GBF1: variants seen among roughly 807,000 people sequenced by gnomAD.
GBF1 encodes the protein golgi brefeldin A resistant guanine nucleotide exchange factor 1.
Under a neutral mutation model 210.5 loss-of-function variants are expected in GBF1, and 114 were observed. That is an observed-to-expected ratio of 0.54 (90% CI 0.47 to 0.63). The LOEUF (loss-of-function observed/expected upper bound fraction) is 0.63, where lower values mean the gene tolerates loss of function less well. Among genes scored for constraint, GBF1 ranks in the 30% least tolerant of loss-of-function variants. GBF1 has a pLI of 0.00. For synonymous variants in GBF1, 850 were observed against 889.2 expected, an observed-to-expected ratio of 0.96 and a Z score of 0.78; for missense variants, 1,851 against 2,357.7, an observed-to-expected ratio of 0.79 and a Z score of 4.45.
At position 102,363,866 on chromosome 10, in the gene GBF1, CT is replaced by C; in HGVS notation, c.2106+69del. The C allele has an allele frequency of 2.1e-6, 2 of 948,206 alleles. No individual in the cohort carries two copies. Among genetic ancestry groups the C allele is most frequent in the East Asian group, 4.8e-5 (2 of 41,672 alleles). The allele number at this position is 948,206 out of a possible 1,614,324, so 58.7% of individuals were successfully genotyped here. ...GTGTCCAGTGTTGTAGGGTTTCCAT[CT>C]CAGAAGATGAAGGAGAGTCTAGCAC... On this transcript the variant is annotated intron_variant, in intron 17 of 39. Transcript: ENST00000369983. This position sits in a 1 kb window ranked among gnomAD's most constrained non-coding sequence, Gnocchi z 4.2.
In GBF1 at chr10:102,365,618, A is replaced by T; in HGVS notation, c.2309+19A>T. 3 of 1,604,158 alleles carry T rather than the reference A, an allele frequency of 1.9e-6. No individual in the cohort carries two copies. The highest frequency in any genetic ancestry group is 2.6e-6 in the Non-Finnish European group (3 of 1,170,998). On this transcript the variant is annotated intron_variant, in intron 18 of 39. Transcript: ENST00000369983. ...TTGTGAGGTGAGGAAGCTGTAAGAAATGTGGGATATAGCCAGGTATGGTGG... is the reference window on the plus strand; with the variant it reads ...TTGTGAGGTGAGGAAGCTGTAAGAATTGTGGGATATAGCCAGGTATGGTGG...
At position 102,380,291 on chromosome 10, in the gene GBF1, T is replaced by C. The variant is rs2060765597; in HGVS notation, c.4921T>C (p.Phe1641Leu). The change falls in exon 37 of 40, where the codon TTT becomes CTT. Residue 1641 changes from phenylalanine to leucine, a missense_variant. This residue lies in a region of GBF1 where 967 missense variants were observed against 1,247.7 expected (regional missense o/e 0.78). Transcript: ENST00000369983. ...HLSPLLSLST[F>L]AALWLTILDF... ...GTCTCCACTGCTGTCACTCTCTACCTTTGCGGCCCTCTGGCTCACCATCTT... is the reference window on the plus strand; with the variant it reads ...GTCTCCACTGCTGTCACTCTCTACCCTTGCGGCCCTCTGGCTCACCATCTT... The C allele has an allele frequency of 6.2e-7, 1 of 1,614,054 alleles. No homozygotes were observed. The highest frequency in any genetic ancestry group is 1.7e-5 in the Admixed American group (1 of 60,020).
chr10:102,338,622 T>C (rs906626251), intron 3 of GBF1, among the ~76,000 whole-genome samples: 1 of 151,988 alleles, frequency 6.6e-6, no homozygotes, highest in Non-Finnish European at 1.5e-5. Flanking sequence ...GACTAGTCCA[T>C]TGACTGAATT....
chr10:102,317,141 A>G (rs983633756), intron 3 of GBF1, among the ~76,000 whole-genome samples: 15 of 152,052 alleles, frequency 9.9e-5, no homozygotes, highest in Admixed American at 2.6e-4. Context: ...AACATTTAGT[A>G]GTAATATAAG....
intron 3 of GBF1, among the ~76,000 whole-genome samples, chr10:102,312,219 G>A (rs1160298497): frequency 1.3e-5 from 2 of 151,954 alleles, no homozygotes; most frequent in Admixed American, 6.6e-5. Flanking sequence ...CTTGAACCTC[G>A]GGGGTGGAGG....
At position 102,363,809 on chromosome 10, in the gene GBF1, G is replaced by T. The variant is rs1325667280; in HGVS notation, c.2106+11G>T. ...AAAAACAAAAAGAAGGTACATACAT[G>T]TATTCCCCAGCCTCTGTCCACCTCT... is the stretch of plus-strand genomic sequence containing the variant. On this transcript the variant is annotated intron_variant, in intron 17 of 39. Transcript: ENST00000369983. This position sits in a 1 kb window ranked among gnomAD's most constrained non-coding sequence, Gnocchi z 4.2. The T allele has an allele frequency of 6.8e-7, 1 of 1,478,646 alleles. No homozygotes were observed. The allele number at this position is 1,478,646 out of a possible 1,614,324, so 91.6% of individuals were successfully genotyped here. A position where few individuals can be genotyped will look rare whatever the true frequency, so the allele number is the denominator to read the frequency against.
At chr10:102,323,575 CTTT>C (rs552692343) in intron 3 of GBF1, among the ~76,000 whole-genome samples, 1 of 139,362 alleles carries the variant, frequency 7.2e-6, no homozygotes, top group Admixed American at 7.2e-5. Context: ...TTTTTTCTGT[CTTT>C]TTTTTTTTTT....
chr10:102,305,910 A>T (rs1383988896), intron 3 of GBF1, among the ~76,000 whole-genome samples: 1 of 152,188 alleles, frequency 6.6e-6, no homozygotes, highest in Non-Finnish European at 1.5e-5. Context: ...GGGTAAAAGG[A>T]GAGCATCCCT....
chr10:102,366,995 C>G lies in GBF1; in HGVS notation c.2434-90C>G, dbSNP rs2059951885. On this transcript the variant is annotated intron_variant, in intron 19 of 39. Coordinates refer to ENST00000369983, the MANE Select transcript of GBF1 (RefSeq NM_001377137.1). The surrounding 1 kb of genome is among the most constrained non-coding windows in gnomAD (Gnocchi z 4.0). ...GGCCACTTTCTGGATGGTACCTCTC[C>G]TCTGTACTAGCACTGACCAGTGGGT... The G allele has an allele frequency of 7.1e-7, 1 of 1,417,110 alleles. No individual in the cohort carries two copies. The highest frequency in any genetic ancestry group is 9.8e-7 in the Non-Finnish European group (1 of 1,022,940). The allele number at this position is 1,417,110 out of a possible 1,614,324, so 87.8% of individuals were successfully genotyped here.
At chr10:102,351,761 A>G in intron 5 of GBF1, 82 bp from the exon 6 acceptor site, 1 of 813,758 alleles carries the variant, frequency 1.2e-6, no homozygotes, top group Non-Finnish European at 2.2e-6. Flanking sequence ...TGAGGTCAGC[A>G]TTCTTGCTAA....
chr10:102,378,355 G>C (rs2060634717), intron 33 of GBF1, among the ~76,000 whole-genome samples: 1 of 152,168 alleles, frequency 6.6e-6, no homozygotes, highest in South Asian at 2.1e-4. Context: ...AGGTACAGTG[G>C]CTCACACCTG....
intron 26 of GBF1, 62 bp from the exon 27 acceptor site, chr10:102,370,112 T>C: frequency 1.3e-6 from 2 of 1,505,510 alleles, no homozygotes; most frequent in Non-Finnish European, 1.8e-6. Flanking sequence ...CCCTGGCTCT[T>C]GGGGACATTC....
In GBF1 at chr10:102,382,144, C is replaced by T; in HGVS notation, c.5391C>T (p.Thr1797=). 2 of 1,611,606 alleles carry T rather than the reference C, an allele frequency of 1.2e-6. No individual in the cohort carries two copies. Among genetic ancestry groups the T allele is most frequent in the South Asian group, 2.2e-5 (2 of 90,830 alleles). Residue 1797 remains threonine (T), a synonymous_variant, in exon 40 of 40, where the codon ACC becomes ACT. Transcript: ENST00000369983. ...VASSPSRLSP[T]PDGPPPLAQP... ...CAAGCCCCAGCAGGCTGAGCCCCAC[C>T]CCCGACGGGCCTCCACCCTTGGCTC...
intron 3 of GBF1, among the ~76,000 whole-genome samples, chr10:102,276,065 C>T (rs959536146): frequency 1.3e-5 from 2 of 151,606 alleles, no homozygotes; most frequent in African/African-American, 4.8e-5. Context: ...GGTGAAACCT[C>T]GTCTCTATTA....
chr10:102,325,775 G>T (rs1486857758), intron 3 of GBF1, among the ~76,000 whole-genome samples: 1 of 151,928 alleles, frequency 6.6e-6, no homozygotes, highest in East Asian at 2.0e-4. Context: ...TCAGCCTCCC[G>T]AGTAGGTGGG....
intron 3 of GBF1, among the ~76,000 whole-genome samples, chr10:102,317,906 A>AT (rs749981766): frequency 4.3e-5 from 4 of 92,584 alleles, no homozygotes; most frequent in Non-Finnish European, 1.0e-4. Flanking sequence ...ATTTATTTTT[A>AT]TTTATTTATT....
At chr10:102,338,272 CT>C (rs1454691841) in intron 3 of GBF1, among the ~76,000 whole-genome samples, 1 of 141,792 alleles carries the variant, frequency 7.1e-6, no homozygotes, top group Admixed American at 7.0e-5. Flanking sequence ...ACAGAGTCTC[CT>C]TCTGTCACCC....
At position 102,382,235 on chromosome 10, in the gene GBF1, C is replaced by T. The variant is rs1337334443; in HGVS notation, c.5482C>T (p.Pro1828Ser). 2.5e-6 allele frequency: 4 copies of T among 1,614,010 alleles called. No homozygotes were observed. Among genetic ancestry groups the T allele is most frequent in the Non-Finnish European group, 3.4e-6 (4 of 1,179,892 alleles). The change falls in exon 40 of 40, where the codon CCC becomes TCC. Residue 1828 changes from proline (P) to serine (S), a missense_variant. Physicochemically the swap from Pro to Ser is moderately conservative, Grantham distance 74 (BLOSUM62 -1). Coordinates refer to ENST00000369983, the MANE Select transcript of GBF1 (RefSeq NM_001377137.1). The stretch of plus-strand genomic sequence containing the variant: ...GGTGGGCGTGCCACCTATGACTCTG[C>T]CCATCATCCTCAACCCTGCGCTCAT... The part of the protein sequence containing the change: ...LQVGVPPMTL[P>S]IILNPALIEA...
intron 37 of GBF1, 41 bp downstream of exon 37, chr10:102,380,403 C>G (rs553847928): frequency 1.3e-6 from 2 of 1,577,990 alleles, no homozygotes; most frequent in South Asian, 2.2e-5. Flanking sequence ...TCCTGTCCCA[C>G]CTGTTGGAAG....
Sources: gnomAD v4.1 joint callset for allele counts (sites outside exome capture counted in the v4.1 genomes callset) on GRCh38, gnomAD v4.1.1 for gene constraint, gnomAD v4.1.1 regional missense constraint, Gnocchi (gnomAD v3.1) non-coding constraint, MANE v1.5 for transcripts, NCBI Gene and HGNC (gene_info 2026-07-23, HGNC 2026-07-21) for gene names.